KCNIP4: variants seen among roughly 807,000 people sequenced by gnomAD.
The protein encoded by KCNIP4 is Kv channel-interacting protein 4.
In KCNIP4, 12 loss-of-function variants were observed where a neutral mutation model predicts 34.0. That is an observed-to-expected ratio of 0.35 (90% CI 0.23 to 0.57). The LOEUF is 0.57. Ranked by LOEUF, KCNIP4 falls within the 20% of genes least tolerant of loss-of-function variation. KCNIP4 has a pLI of 0.83. For synonymous variants in KCNIP4, 124 were observed against 102.2 expected (o/e 1.21, Z -1.29); for missense variants, 238 against 311.7 (o/e 0.76, Z 1.78).
chr4:21,674,451 A>C (rs1749736108), intron 1 of KCNIP4, among the ~76,000 whole-genome samples: 1 of 152,234 alleles, frequency 6.6e-6, no homozygotes, highest in East Asian at 1.9e-4. Context: ...AATTTAGCCC[A>C]TAATGGCTAC....
At chr4:21,892,722 T>C (rs1412031426) in intron 1 of KCNIP4, among the ~76,000 whole-genome samples, 2 of 152,158 alleles carry the variant, frequency 1.3e-5, no homozygotes, top group Non-Finnish European at 2.9e-5. Flanking sequence ...AATTGTAATA[T>C]GCTTTGTAAA....
At chr4:21,142,947 TG>T (rs1752078635) in intron 1 of KCNIP4, among the ~76,000 whole-genome samples, 1 of 152,164 alleles carries the variant, frequency 6.6e-6, no homozygotes, top group Non-Finnish European at 1.5e-5. Context: ...CATAGAGAAG[TG>T]TGGATCCTGC....
intron 1 of KCNIP4, among the ~76,000 whole-genome samples, chr4:21,413,215 C>T (rs748639390): frequency 7.2e-5 from 11 of 152,034 alleles, no homozygotes; most frequent in Non-Finnish European, 1.3e-4. Flanking sequence ...AGATGTGAGA[C>T]GTGGTACTGA....
intron 1 of KCNIP4, among the ~76,000 whole-genome samples, chr4:21,591,760 T>C (rs967611633): frequency 6.6e-6 from 1 of 152,084 alleles, no homozygotes; most frequent in African/African-American, 2.4e-5. Context: ...TACTTGCAAG[T>C]GTGCAATTAA....
chr4:21,526,821 G>A (rs1322876396), intron 1 of KCNIP4, among the ~76,000 whole-genome samples: 3 of 152,268 alleles, frequency 2.0e-5, no homozygotes, highest in African/African-American at 7.2e-5. Flanking sequence ...ACTCCAGGTT[G>A]TCTATGCTTC....
intron 7 of KCNIP4, 69 bp downstream of exon 7, chr4:20,732,612 G>T: frequency 1.1e-6 from 1 of 910,980 alleles, no homozygotes. Context: ...GAATCATCGT[G>T]GTGCATGGCA....
Position 20,735,665 on chromosome 4 carries a change from T to C in KCNIP4, c.430-930A>G, listed in dbSNP as rs573956897. 6.7e-4 allele frequency among the ~76,000 whole-genome samples: 102 copies of C among 151,812 alleles called. 1 individual carries two copies. The highest frequency in any genetic ancestry group is 2.4e-3 in the African/African-American group (98 of 41,420). On this transcript the variant is annotated intron_variant, in intron 5 of 8. Coordinates refer to ENST00000382152, the MANE Select transcript of KCNIP4 (RefSeq NM_025221.6). ...CATTCTTCTGCCTCAGCCTCCCGAGTAGCTGGGACTACAGGCACCCGCCAC... is the reference window on the plus strand; with the variant it reads ...CATTCTTCTGCCTCAGCCTCCCGAGCAGCTGGGACTACAGGCACCCGCCAC...
chr4:21,805,759 A>G (rs947362653), intron 1 of KCNIP4, among the ~76,000 whole-genome samples: 2 of 152,130 alleles, frequency 1.3e-5, no homozygotes, highest in Non-Finnish European at 2.9e-5. Flanking sequence ...TCACCCTTCC[A>G]GCTACACCCT....
chr4:21,592,722 C>G (rs1485630609), intron 1 of KCNIP4, among the ~76,000 whole-genome samples: 1 of 152,036 alleles, frequency 6.6e-6, no homozygotes, highest in Non-Finnish European at 1.5e-5. Flanking sequence ...ATAATTCTAG[C>G]AAGACAAATA....
chr4:21,457,304 G>A (rs562780950), intron 1 of KCNIP4, among the ~76,000 whole-genome samples: 1 of 152,064 alleles, frequency 6.6e-6, no homozygotes, highest in Non-Finnish European at 1.5e-5. Context: ...TTCCTTGTTG[G>A]CGGCTTGCTG....
chr4:20,903,820 G>T (rs1009790277), intron 1 of KCNIP4, among the ~76,000 whole-genome samples: 1 of 151,926 alleles, frequency 6.6e-6, no homozygotes, highest in Non-Finnish European at 1.5e-5. Context: ...TCTTTTCATC[G>T]GCAGAAATTA....
intron 2 of KCNIP4, among the ~76,000 whole-genome samples, chr4:20,857,888 T>C (rs1317881240): frequency 1.3e-5 from 2 of 151,956 alleles, no homozygotes; most frequent in Non-Finnish European, 2.9e-5. Context: ...TCTAACCCTG[T>C]ATTTGGAGGT....
At chr4:20,871,810 A>G (rs1457396759) in intron 2 of KCNIP4, among the ~76,000 whole-genome samples, 2 of 152,120 alleles carry the variant, frequency 1.3e-5, no homozygotes, top group Non-Finnish European at 2.9e-5. Context: ...TGGCATCCAA[A>G]TAATGATGCC....
At chr4:20,791,496 GAAACCAATCATACAA>G (rs1485652055) in intron 3 of KCNIP4, among the ~76,000 whole-genome samples, 2 of 152,064 alleles carry the variant, frequency 1.3e-5, no homozygotes, top group Non-Finnish European at 2.9e-5. Flanking sequence ...TAAAATGTAT[GAAACCAATCATACAA>G]AAACCAGGAA....
chr4:21,370,796 T>A (rs10027295), intron 1 of KCNIP4, among the ~76,000 whole-genome samples: 17,437 of 58,850 alleles, frequency 0.3, 2,627 homozygotes, highest in Middle Eastern at 0.45. Context: ...AGGTCATGGA[T>A]TGAAATATAT....
rs190225276 is a variant in KCNIP4, at chr4:21,584,110, T to C, written c.61+364461A>G. ...GCCCATGGTTAGCTACAACCAAACC[T>C]TTGAGGTAGCCTGCCTTTACATGAG... On this transcript the variant is annotated intron_variant, in intron 1 of 8. Transcript: ENST00000382152. 9.2e-5 allele frequency among the ~76,000 whole-genome samples: 14 copies of C among 152,086 alleles called. No individual in the cohort carries two copies. The East Asian group carries it at 2.1e-3, about 23-fold the overall frequency.
At chr4:21,038,462 G>C (rs28514535) in intron 1 of KCNIP4, among the ~76,000 whole-genome samples, 3,775 of 152,230 alleles carry the variant, frequency 0.025, 148 homozygotes, top group African/African-American at 0.085. Flanking sequence ...GTCTCATGAG[G>C]CTGTGACTGG....
At chr4:20,879,904 A>G (rs73802385) in intron 2 of KCNIP4, among the ~76,000 whole-genome samples, 5,462 of 152,290 alleles carry the variant, frequency 0.036, 100 homozygotes, top group African/African-American at 0.053. Flanking sequence ...ATAGATATAT[A>G]CACAAAGCCA....
chr4:21,438,435 C>T (rs1334991480), intron 1 of KCNIP4, among the ~76,000 whole-genome samples: 3 of 152,134 alleles, frequency 2.0e-5, no homozygotes, highest in East Asian at 1.9e-4. Context: ...ATAAGAAATA[C>T]ATATTACTGT....
Sources: allele counts gnomAD v4.1 joint callset (sites outside exome capture counted in the v4.1 genomes callset), GRCh38; gene constraint gnomAD v4.1.1; transcripts MANE v1.5; gene names NCBI Gene and HGNC (gene_info 2026-07-23, HGNC 2026-07-21).